The following RECK variants were observed in gnomAD, a reference collection of about 807,000 sequenced individuals.
RECK encodes reversion inducing cysteine rich protein with kazal motifs, also known as reversion-inducing cysteine-rich protein with Kazal motifs.
In RECK, 69 loss-of-function variants were observed where a neutral mutation model predicts 115.1. The ratio of observed to expected loss-of-function variants is 0.60; its 90% CI spans 0.49 to 0.73. The LOEUF (loss-of-function observed/expected upper bound fraction) is 0.73. Ranked by LOEUF, RECK falls within the 30% of genes least tolerant of loss-of-function variation. The probability of loss-of-function intolerance (pLI) is 0.00; values close to 1 mark genes in which losing one functional copy is unlikely to be tolerated. For missense variants in RECK, 1,047 were observed against 1,203.7 expected, an observed-to-expected ratio of 0.87 and a Z score of 1.93; for synonymous variants, 414 against 419.7, an observed-to-expected ratio of 0.99 and a Z score of 0.17.
chr9:36,082,152 T>TTCTCCCTCTCTCTC (rs1822729164), intron 7 of RECK, among the ~76,000 whole-genome samples: 1 of 113,650 alleles, frequency 8.8e-6, no homozygotes, highest in African/African-American at 3.2e-5. Flanking sequence ...CCTCCCTGCT[T>TTCTCCCTCTCTCTC]TCTCTCTCTC....
intron 15 of RECK, among the ~76,000 whole-genome samples, chr9:36,111,614 G>A (rs1296460572): frequency 2.6e-5 from 4 of 152,008 alleles, no homozygotes; most frequent in Non-Finnish European, 5.9e-5. Flanking sequence ...GGCTGGTCTC[G>A]AACTCCCGAC....
intron 10 of RECK, among the ~76,000 whole-genome samples, chr9:36,091,750 A>T (rs1415218775): frequency 6.6e-6 from 1 of 152,252 alleles, no homozygotes; most frequent in Non-Finnish European, 1.5e-5. Flanking sequence ...TCATACAAAA[A>T]TATTTCTTTA....
intron 5 of RECK, among the ~76,000 whole-genome samples, chr9:36,064,765 ATTC>A (rs3070851): frequency 0.13 from 19,533 of 151,892 alleles, 2,325 homozygotes; most frequent in African/African-American, 0.3. Flanking sequence ...TTGCTGGCCC[ATTC>A]TTCTTCTTGT....
At chr9:36,065,539 TG>T (rs766813356) in intron 5 of RECK, 37 bp from the exon 6 acceptor site, 2 of 1,525,012 alleles carry the variant, frequency 1.3e-6, no homozygotes, top group Admixed American at 3.8e-5. Context: ...CTGAATAGCA[TG>T]TATAATAAAT....
intron 6 of RECK, among the ~76,000 whole-genome samples, chr9:36,078,926 G>A (rs972446799): frequency 2.0e-5 from 3 of 151,856 alleles, no homozygotes; most frequent in East Asian, 1.9e-4. Context: ...ACAGAGTTTC[G>A]CTCTTGTTTC....
chr9:36,117,087 T>C lies in RECK; in HGVS notation c.2163T>C (p.Asp721=), dbSNP rs1564137913. 6.2e-7 allele frequency: 1 copy of C among 1,614,002 alleles called. No individual in the cohort carries two copies. The highest frequency in any genetic ancestry group is 1.3e-5 in the African/African-American group (1 of 74,904). The change falls in exon 17 of 21, where the codon GAT becomes GAC. Residue 721 remains aspartate (D), a synonymous_variant. Coordinates refer to ENST00000377966, the MANE Select transcript of RECK (RefSeq NM_021111.3). ...PRQLACDQVQ[D]PVCDTDHMEH... is the part of the protein sequence containing the mutation. ...AGCTCGCGTGTGACCAGGTCCAAGA[T>C]CCTGTTTGTGACACAGACCACATGG...
At chr9:36,047,258 A>G (rs1821099205) in intron 1 of RECK, among the ~76,000 whole-genome samples, 1 of 152,210 alleles carries the variant, frequency 6.6e-6, no homozygotes, top group Non-Finnish European at 1.5e-5. Flanking sequence ...GGGTAGGGAC[A>G]TAGCAGAGTC....
At chr9:36,082,188 C>CTCTCTCTCTCT (rs1401784584) in intron 7 of RECK, among the ~76,000 whole-genome samples, 369 of 146,400 alleles carry the variant, frequency 2.5e-3, no homozygotes, top group South Asian at 5.7e-3. Context: ...CTCTCTCTCT[C>CTCTCTCTCTCT]CTTTTTTCTT....
intron 1 of RECK, among the ~76,000 whole-genome samples, chr9:36,041,372 A>T (rs1038694649): frequency 1.3e-5 from 2 of 152,300 alleles, no homozygotes; most frequent in Admixed American, 1.3e-4. Flanking sequence ...ATACTTTTAG[A>T]TCCTTTGTTT....
chr9:36,061,572 G>T (rs922294890), intron 4 of RECK, among the ~76,000 whole-genome samples: 1 of 152,056 alleles, frequency 6.6e-6, no homozygotes. Flanking sequence ...ATGCTTTTTG[G>T]ATAATTTAGT....
At position 36,092,362 on chromosome 9, in the gene RECK, G is replaced by T. The variant is rs144914573; in HGVS notation, c.1085+1019G>T. Among the ~76,000 whole-genome samples, 112 of 151,660 alleles carry T rather than the reference G, an allele frequency of 7.4e-4. 1 individual carries two copies. The highest frequency in any genetic ancestry group is 1.1e-3 in the Non-Finnish European group (77 of 67,848). Reference sequence around the variant, plus strand: ...TTGGAGACTGATCAAAAGCAGGAGGGTCTACATCTTTTTTTTTTATTATTT... The same window carrying T: ...TTGGAGACTGATCAAAAGCAGGAGGTTCTACATCTTTTTTTTTTATTATTT... On this transcript the variant is annotated intron_variant, in intron 10 of 20. Transcript: ENST00000377966.
At position 36,096,000 on chromosome 9, in the gene RECK, G is replaced by A. The variant is rs183599873; in HGVS notation, c.1086-4331G>A. Among the ~76,000 whole-genome samples, 310 of 151,340 alleles carry A rather than the reference G, an allele frequency of 2.0e-3. 1 individual carries two copies. The highest frequency in any genetic ancestry group is 6.2e-3 in the African/African-American group (257 of 41,214). On this transcript the variant is annotated intron_variant, in intron 10 of 20. Coordinates refer to ENST00000377966, the MANE Select transcript of RECK (RefSeq NM_021111.3). ...GGAGAATCTCTTGAACCTGGGAGGC[G>A]GAGGTTGCAGCGAGCTGAGATCACA...
chr9:36,052,493 G>T (rs1821349053), intron 2 of RECK, among the ~76,000 whole-genome samples, 170 bp downstream of exon 2: 1 of 152,102 alleles, frequency 6.6e-6, no homozygotes, highest in Admixed American at 6.6e-5. Context: ...AAATTATAGA[G>T]GCTACTAGTT....
At chr9:36,093,283 G>A (rs1377352005) in intron 10 of RECK, among the ~76,000 whole-genome samples, 1 of 152,146 alleles carries the variant, frequency 6.6e-6, no homozygotes, top group Non-Finnish European at 1.5e-5. Flanking sequence ...CATGCATAAT[G>A]TCCATTATAC....
At chr9:36,052,571 C>T (rs1821352001) in intron 2 of RECK, among the ~76,000 whole-genome samples, 1 of 152,070 alleles carries the variant, frequency 6.6e-6, no homozygotes, top group Non-Finnish European at 1.5e-5. Context: ...ACTAATTGTC[C>T]AGGGTTCACA....
chr9:36,064,051 T>C (rs1196752160), intron 5 of RECK, among the ~76,000 whole-genome samples, 171 bp downstream of exon 5: 1 of 152,244 alleles, frequency 6.6e-6, no homozygotes, highest in Non-Finnish European at 1.5e-5. Flanking sequence ...GTTTTTTTAT[T>C]TATGGCTGCT....
chr9:36,118,783 A>G lies in RECK; in HGVS notation c.2280A>G (p.Val760=). ...CCTTTTGCAGAGCAACCGAGCCCGT[A>G]TGTGGGCACAATGGTGAGACCTACA... ...CQPFCRATEP[V]CGHNGETYSS... is the part of the protein sequence containing the mutation. The change falls in exon 18 of 21, where the codon GTA becomes GTG. Residue 760 remains valine, a synonymous_variant. Transcript: ENST00000377966. 1 of 1,614,138 alleles carries G rather than the reference A, an allele frequency of 6.2e-7. No individual in the cohort carries two copies. Among genetic ancestry groups the G allele is most frequent in the Non-Finnish European group, 8.5e-7 (1 of 1,180,034 alleles).
rs750050708 is a variant in RECK at position 36,063,795 on chromosome 9, G to C, written c.272G>C (p.Gly91Ala). The change falls in exon 5 of 21, where the codon GGT (glycine) becomes GCT (alanine). Residue 91 changes from glycine (G) to alanine (A), a missense_variant and splice_region_variant. Coordinates refer to ENST00000377966, the MANE Select transcript of RECK (RefSeq NM_021111.3). ...IWNCMNSSLP[G>A]VFKKSDGWVG... ...AACATTTAAACATTTTGTTTTTAAG[G>C]TGTGTTTAAGAAGTCTGATGGCTGG... 6.2e-7 allele frequency: 1 copy of C among 1,613,780 alleles called. No homozygotes were observed. The highest frequency in any genetic ancestry group is 8.5e-7 in the Non-Finnish European group (1 of 1,179,756).
chr9:36,105,100 A>T lies in RECK; in HGVS notation c.1436-43A>T, dbSNP rs774731822. 8 of 1,547,222 alleles carry T rather than the reference A, an allele frequency of 5.2e-6. No individual in the cohort carries two copies. In the East Asian group the frequency reaches 1.4e-4, roughly 26 times the overall value. ...TTCAGATAATTTACAGTTTTCTCTT[A>T]CTCTTTTAGGTTGGTTAAACTAATC... On this transcript the variant is annotated intron_variant, in intron 12 of 20. Coordinates refer to ENST00000377966, the MANE Select transcript of RECK (RefSeq NM_021111.3).
Sources: gnomAD v4.1 joint callset for allele counts (sites outside exome capture counted in the v4.1 genomes callset) on GRCh38, gnomAD v4.1.1 for gene constraint, MANE v1.5 for transcripts, NCBI Gene and HGNC (gene_info 2026-07-23, HGNC 2026-07-21) for gene names.